The following PTPN13 variants were observed in gnomAD, a reference collection of about 807,000 sequenced individuals.
PTPN13 encodes protein tyrosine phosphatase non-receptor type 13.
Under a neutral mutation model 284.0 loss-of-function variants are expected in PTPN13, and 191 were observed. The observed-to-expected ratio is 0.67, with a 90% CI of 0.60 to 0.76. The LOEUF (loss-of-function observed/expected upper bound fraction) is 0.76. PTPN13 is among the 30% of genes least tolerant of loss of function. The pLI, the probability that PTPN13 is intolerant of heterozygous loss-of-function variation, is 0.00. For missense variants in PTPN13, 2,797 were observed against 2,939.9 expected (o/e 0.95, Z 1.12); for synonymous variants, 986 against 1,022.3 (o/e 0.96, Z 0.68).
At chr4:86,670,917 T>C (rs1430232836) in intron 2 of PTPN13, among the ~76,000 whole-genome samples, 1 of 152,250 alleles carries the variant, frequency 6.6e-6, no homozygotes, top group African/African-American at 2.4e-5. Flanking sequence ...ATTGAAATGA[T>C]TCATTGAAAT....
At chr4:86,658,768 A>G (rs1403584372) in intron 2 of PTPN13, among the ~76,000 whole-genome samples, 1 of 152,200 alleles carries the variant, frequency 6.6e-6, no homozygotes, top group South Asian at 2.1e-4. Context: ...CTGATAAAAT[A>G]TATAGATCTT....
intron 45 of PTPN13, among the ~76,000 whole-genome samples, 154 bp from the exon 46 acceptor site, chr4:86,809,615 T>C (rs1745010639): frequency 6.6e-6 from 1 of 152,074 alleles, no homozygotes; most frequent in Non-Finnish European, 1.5e-5. Context: ...CGCTTGAACC[T>C]GGGAGGCGGA....
At chr4:86,734,972 A>C in intron 14 of PTPN13, 97 bp downstream of exon 14, 2 of 1,368,200 alleles carry the variant, frequency 1.5e-6, no homozygotes, top group Non-Finnish European at 2.0e-6. Context: ...TGATGTTTAG[A>C]TCTGAAGATT....
At chr4:86,774,323 C>G in intron 32 of PTPN13, 50 bp from the exon 33 acceptor site, 1 of 1,503,078 alleles carries the variant, frequency 6.7e-7, no homozygotes, top group South Asian at 1.3e-5. Flanking sequence ...TTCTGTTTGT[C>G]TATAGTGCAG....
chr4:86,643,571 T>C (rs898074018), intron 2 of PTPN13, among the ~76,000 whole-genome samples: 8 of 152,194 alleles, frequency 5.3e-5, no homozygotes, highest in African/African-American at 1.9e-4. Context: ...TATTATGTTC[T>C]GTTTTTTATA....
At chr4:86,603,675 T>C (rs1247200144) in intron 1 of PTPN13, among the ~76,000 whole-genome samples, 1 of 152,140 alleles carries the variant, frequency 6.6e-6, no homozygotes, top group Non-Finnish European at 1.5e-5. Flanking sequence ...TTTTTAACTA[T>C]ATAAAATGAG....
rs867489838 is a variant in PTPN13 at position 86,625,507 on chromosome 4, A to G, written c.-5-9745A>G. ...GATATTTAACACAATATATATTATA[A>G]TCATTGATTTATCCTCTCACCTGCT... On this transcript the variant is annotated intron_variant, in intron 1 of 47. Transcript: ENST00000411767. Among the ~76,000 whole-genome samples, 6 of 152,216 alleles carry G rather than the reference A, an allele frequency of 3.9e-5. No homozygotes were observed. In the South Asian group the frequency reaches 8.3e-4, roughly 21 times the overall value.
intron 3 of PTPN13, among the ~76,000 whole-genome samples, chr4:86,683,164 T>C (rs1409791551): frequency 6.6e-6 from 1 of 152,080 alleles, no homozygotes; most frequent in Non-Finnish European, 1.5e-5. Flanking sequence ...TGTGTGTGTG[T>C]GTGTGTGTAT....
intron 2 of PTPN13, among the ~76,000 whole-genome samples, chr4:86,657,968 T>C (rs530175731): frequency 3.1e-4 from 47 of 152,218 alleles, no homozygotes; most frequent in Admixed American, 2.8e-3. Flanking sequence ...TTGCCCTGGG[T>C]TGCATTCCAA....
At chr4:86,775,838 G>T (rs1222230357) in intron 35 of PTPN13, among the ~76,000 whole-genome samples, 186 bp downstream of exon 35, 1 of 152,108 alleles carries the variant, frequency 6.6e-6, no homozygotes, top group Admixed American at 6.5e-5. Context: ...ATAATAGAAT[G>T]GTTACCACAT....
intron 10 of PTPN13, among the ~76,000 whole-genome samples, chr4:86,730,433 A>C (rs1734802872): frequency 6.7e-6 from 1 of 149,886 alleles, no homozygotes; most frequent in South Asian, 2.1e-4. Flanking sequence ...TAGAGGAAGC[A>C]GGCCTTGCTG....
At chr4:86,791,300 A>G (rs1234516448) in intron 40 of PTPN13, among the ~76,000 whole-genome samples, 1 of 152,150 alleles carries the variant, frequency 6.6e-6, no homozygotes, top group Non-Finnish European at 1.5e-5. Context: ...GGGGGCATCC[A>G]CCATTGCTGA....
intron 10 of PTPN13, among the ~76,000 whole-genome samples, chr4:86,724,979 C>T (rs959945259): frequency 6.6e-6 from 1 of 150,826 alleles, no homozygotes; most frequent in Admixed American, 6.6e-5. Context: ...CCCCCCACCC[C>T]CCAACAGAAC....
intron 3 of PTPN13, among the ~76,000 whole-genome samples, chr4:86,680,044 A>G (rs529456422): frequency 6.6e-6 from 1 of 152,180 alleles, no homozygotes; most frequent in Non-Finnish European, 1.5e-5. Flanking sequence ...TATGGTGTTA[A>G]TAATAGTACT....
Position 86,772,648 on chromosome 4 carries a change from C to T in PTPN13, c.5169-130C>T, listed in dbSNP as rs568099798. The T allele has an allele frequency of 1.9e-5, 14 of 719,228 alleles. No individual in the cohort carries two copies. The South Asian group carries it at 2.0e-4, about 10-fold the overall frequency. 44.6% of individuals were successfully genotyped at this position (719,228 alleles called of 1,614,324 possible). On this transcript the variant is annotated intron_variant, in intron 31 of 47. Coordinates refer to ENST00000411767, the MANE Select transcript of PTPN13 (RefSeq NM_080683.3). ...AGTAAATTCATAGTCCAGAGTCATA[C>T]AAAAAGTAACTAGGATCTCAATCAA...
chr4:86,775,298 A>G lies in PTPN13; in HGVS notation c.5636A>G (p.His1879Arg), dbSNP rs369145198. The G allele has an allele frequency of 2.5e-6, 4 of 1,613,316 alleles. No homozygotes were observed. In the African/African-American group the frequency reaches 5.3e-5, roughly 22 times the overall value. The change falls in exon 34 of 48, where the codon CAT becomes CGT. Residue 1879 changes from histidine (H) to arginine (R), a missense_variant. His to Arg is a conservative substitution (Grantham distance 29). Transcript: ENST00000411767. ...LELPRIPMLP[H>R]LLPDITLTCN... is the part of the protein sequence containing the mutation. ...TTACCCAGAATACCAATGTTGCCTC[A>G]TTTGCTACCGGACATAACACTAACG...
chr4:86,770,428 C>T (rs537503423), intron 30 of PTPN13, among the ~76,000 whole-genome samples: 1 of 152,084 alleles, frequency 6.6e-6, no homozygotes, highest in Non-Finnish European at 1.5e-5. Flanking sequence ...TTATCAAGTA[C>T]TGACTTCAGG....
chr4:86,735,025 G>A, intron 14 of PTPN13, 150 bp downstream of exon 14: 1 of 840,754 alleles, frequency 1.2e-6, no homozygotes. Flanking sequence ...AGCACTCCAT[G>A]TATATCAATT....
intron 45 of PTPN13, among the ~76,000 whole-genome samples, chr4:86,808,837 A>G (rs1296830449): frequency 2.0e-5 from 3 of 152,174 alleles, no homozygotes; most frequent in Non-Finnish European, 4.4e-5. Flanking sequence ...ACCAGTATTG[A>G]TAGTGCTGTG....
Sources: allele counts gnomAD v4.1 joint callset (sites outside exome capture counted in the v4.1 genomes callset), GRCh38; gene constraint gnomAD v4.1.1; transcripts MANE v1.5; gene names NCBI Gene and HGNC (gene_info 2026-07-23, HGNC 2026-07-21).